Variants in ARL2BP observed in about 807,000 individuals in gnomAD.
The protein encoded by ARL2BP is ARF like GTPase 2 binding protein, also known as ADP-ribosylation factor-like protein 2-binding protein.
A neutral mutation model predicts 24.2 loss-of-function variants in ARL2BP; 19 were observed. The observed-to-expected ratio is 0.79, with a 90% confidence interval of 0.55 to 1.15. ARL2BP has a LOEUF of 1.15. Among genes scored for constraint, ARL2BP ranks in the 50% most tolerant of loss-of-function variants. The pLI is 0.00. For synonymous variants in ARL2BP, 56 were observed against 70.5 expected (o/e 0.79, Z 1.03); for missense variants, 160 against 190.4 (o/e 0.84, Z 0.94).
At chr16:57,249,493 G>A in intron 3 of ARL2BP, 1 of 448,254 alleles carries the variant, frequency 2.2e-6, no homozygotes, top group Non-Finnish European at 4.1e-6. Context: ...CTGGGTTGTG[G>A]GTGTGGGTAC....
chr16:57,248,311 C>CAAAA (rs1161528446), intron 2 of ARL2BP: 729 of 45,978 alleles, frequency 0.016, no homozygotes, highest in Middle Eastern at 0.025. Context: ...AACTCCAGCT[C>CAAAA]AAAAAAAAAA....
At chr16:57,245,760 C>A (rs1025077716) in intron 1 of ARL2BP, 2 of 501,152 alleles carry the variant, frequency 4.0e-6, no homozygotes, top group Non-Finnish European at 3.5e-6. Context: ...ACCAAATGAC[C>A]CCCCCCGGCA....
rs771213865 is a variant in ARL2BP at position 57,248,607 on chromosome 16, G to A, written c.171G>A (p.Glu57=). 1.9e-6 allele frequency: 3 copies of A among 1,601,914 alleles called. No individual in the cohort carries two copies. The highest frequency in any genetic ancestry group is 2.6e-6 in the Non-Finnish European group (3 of 1,174,232). ...ACCTGGAGTTTGAAGACACAGAAGA[G>A]AATAAACTCATCTACACACCTATTT... ...KYYLEFEDTE[E]NKLIYTPIFN... The change falls in exon 3 of 6, where the codon GAG becomes GAA. Residue 57 remains glutamate, a synonymous_variant. Coordinates refer to ENST00000219204, the MANE Select transcript of ARL2BP (RefSeq NM_012106.4).
rs61729802 is a variant in ARL2BP at position 57,252,258 on chromosome 16, G to T, written c.483G>T (p.Leu161=). The change falls in exon 6 of 6, where the codon CTG becomes CTT. Residue 161 remains leucine (L), a synonymous_variant. Transcript: ENST00000219204. ...SSSLPASQNN[L]RH is the part of the protein sequence containing the mutation. Reference sequence around the variant, plus strand: ...CTCTGCCAGCTTCCCAGAACAATCTGCGGCACTAGGTCCTACCTCCAGCCA... The same window carrying T: ...CTCTGCCAGCTTCCCAGAACAATCTTCGGCACTAGGTCCTACCTCCAGCCA... 122 of 1,614,052 alleles carry T rather than the reference G, an allele frequency of 7.6e-5. No individual in the cohort carries two copies. In the African/African-American group the frequency reaches 1.5e-3, roughly 19 times the overall value.
chr16:57,252,127 G>A (rs368486487), intron 5 of ARL2BP, 39 bp from the exon 6 acceptor site: 2 of 1,592,900 alleles, frequency 1.3e-6, no homozygotes, highest in Admixed American at 1.7e-5. Flanking sequence ...CCAAGCCAGG[G>A]CTCTTTCTAG....
At chr16:57,246,542 C>G (rs1046601361) in intron 2 of ARL2BP, 20 of 162,408 alleles carry the variant, frequency 1.2e-4, no homozygotes, top group African/African-American at 4.1e-4. Flanking sequence ...GTGGCTAACG[C>G]CTGTAATCCC....
In ARL2BP at chr16:57,245,272, C is replaced by T; in HGVS notation, c.-96C>T. Reference sequence around the variant, plus strand: ...ACCCGACCTGGCAGTGAGCTGGCCGCGGCCTTGGCTGAGAGGCCTTAACCC... The same window carrying T: ...ACCCGACCTGGCAGTGAGCTGGCCGTGGCCTTGGCTGAGAGGCCTTAACCC... On this transcript the variant is annotated 5_prime_UTR_variant, in exon 1 of 6. Coordinates refer to ENST00000219204, the MANE Select transcript of ARL2BP (RefSeq NM_012106.4). 6.9e-7 allele frequency: 1 copy of T among 1,456,472 alleles called. No individual in the cohort carries two copies. Among genetic ancestry groups the T allele is most frequent in the Non-Finnish European group, 9.3e-7 (1 of 1,070,082 alleles). The allele number at this position is 1,456,472 out of a possible 1,614,324, so 90.2% of individuals were successfully genotyped here.
At position 57,248,601 on chromosome 16, in the gene ARL2BP, A is replaced by G. The variant is rs747240176; in HGVS notation, c.165A>G (p.Thr55=). 6.2e-7 allele frequency: 1 copy of G among 1,604,100 alleles called. No individual in the cohort carries two copies. The highest frequency in any genetic ancestry group is 8.5e-7 in the Non-Finnish European group (1 of 1,175,352). ...AGTACTACCTGGAGTTTGAAGACACAGAAGAGAATAAACTCATCTACACAC... is the reference window on the plus strand; with the variant it reads ...AGTACTACCTGGAGTTTGAAGACACGGAAGAGAATAAACTCATCTACACAC... The part of the protein sequence containing the change: ...MDKYYLEFED[T]EENKLIYTPI... Residue 55 remains threonine (T), a synonymous_variant, in exon 3 of 6, where the codon ACA becomes ACG. Coordinates refer to ENST00000219204, the MANE Select transcript of ARL2BP (RefSeq NM_012106.4).
rs1412317108 is a variant in ARL2BP at position 57,252,526 on chromosome 16, G to A, written c.*259G>A. ...TCTCTCAGGAGCTTCTGAGTCAGAC[G>A]CCTCTGGAGCGAGCCCTATGTCAGG... On this transcript the variant is annotated 3_prime_UTR_variant, in exon 6 of 6. Coordinates refer to ENST00000219204, the MANE Select transcript of ARL2BP (RefSeq NM_012106.4). The A allele has an allele frequency of 5.6e-6, 3 of 538,700 alleles. No individual in the cohort carries two copies. Among genetic ancestry groups the A allele is most frequent in the South Asian group, 4.1e-5 (2 of 48,238 alleles). The allele number at this position is 538,700 out of a possible 1,614,324, so 33.4% of individuals were successfully genotyped here. A position where few individuals can be genotyped will look rare whatever the true frequency, so the allele number is the denominator to read the frequency against.
chr16:57,245,722 T>G, intron 1 of ARL2BP: 1 of 450,284 alleles, frequency 2.2e-6, no homozygotes, highest in Non-Finnish European at 4.0e-6. Flanking sequence ...CCTCCACCCC[T>G]CCCTGGCCCC....
intron 2 of ARL2BP, among the ~76,000 whole-genome samples, chr16:57,246,646 C>CA (rs1473002624): frequency 9.9e-5 from 15 of 151,600 alleles, no homozygotes; most frequent in Admixed American, 3.9e-4. Flanking sequence ...ACTAAAAATA[C>CA]AAAAAAAATT....
chr16:57,249,734 A>G, intron 3 of ARL2BP, 33 bp from the exon 4 acceptor site: 1 of 1,568,062 alleles, frequency 6.4e-7, no homozygotes, highest in South Asian at 1.1e-5. Flanking sequence ...TTCCCAAAGT[A>G]TGGTCTCACC....
intron 5 of ARL2BP, chr16:57,251,056 A>G: frequency 6.6e-6 from 1 of 152,518 alleles, no homozygotes; most frequent in Non-Finnish European, 1.5e-5. Context: ...GGCGTGAGCC[A>G]CCGCACCTGG....
chr16:57,251,188 A>T (rs1355025322), intron 5 of ARL2BP: 3 of 151,814 alleles, frequency 2.0e-5, no homozygotes, highest in African/African-American at 7.3e-5. Context: ...GCTTGAGCTC[A>T]GGAGTTTGAG....
At chr16:57,251,778 A>G (rs926137323) in intron 5 of ARL2BP, 6 of 179,972 alleles carry the variant, frequency 3.3e-5, no homozygotes, top group Non-Finnish European at 7.1e-5. Flanking sequence ...TAAGTGACAT[A>G]TCAAGACCCT....
In ARL2BP at chr16:57,253,034, A is replaced by G. The variant is rs1349832440; in HGVS notation, c.*767A>G. 1 of 152,734 alleles carries G rather than the reference A, an allele frequency of 6.5e-6. No individual in the cohort carries two copies. The highest frequency in any genetic ancestry group is 1.5e-5 in the Non-Finnish European group (1 of 68,114). 9.5% of individuals were successfully genotyped at this position (152,734 alleles called of 1,614,324 possible). A position where few individuals can be genotyped will look rare whatever the true frequency, so the allele number is the denominator to read the frequency against. The stretch of plus-strand genomic sequence containing the variant: ...TGATTATCCACTTAAAGATCAAAGT[A>G]TTATATGCTGTGTGCTTTTTAGGTG... On this transcript the variant is annotated 3_prime_UTR_variant, in exon 6 of 6. Coordinates refer to ENST00000219204, the MANE Select transcript of ARL2BP (RefSeq NM_012106.4).
intron 4 of ARL2BP, 85 bp from the exon 5 acceptor site, chr16:57,250,326 C>T (rs2075403325): frequency 1.7e-6 from 2 of 1,194,612 alleles, no homozygotes. Flanking sequence ...GGGGGTGGGG[C>T]TGGGGTGGTG....
At position 57,253,360 on chromosome 16, in the gene ARL2BP, T is replaced by G. The variant is rs1392239123; in HGVS notation, c.*1093T>G. The G allele has an allele frequency of 1.3e-5, 2 of 152,216 alleles. No individual in the cohort carries two copies. The highest frequency in any genetic ancestry group is 2.9e-5 in the Non-Finnish European group (2 of 68,042). 9.4% of individuals were successfully genotyped at this position (152,216 alleles called of 1,614,324 possible). Reference sequence around the variant, plus strand: ...ACAGCTTTACTGGCTGTTTGTATGCTTTGGTTTAGTGCAATGTGTGGTAGA... The same window carrying G: ...ACAGCTTTACTGGCTGTTTGTATGCGTTGGTTTAGTGCAATGTGTGGTAGA... On this transcript the variant is annotated 3_prime_UTR_variant, in exon 6 of 6. Coordinates refer to ENST00000219204, the MANE Select transcript of ARL2BP (RefSeq NM_012106.4).
At position 57,253,454 on chromosome 16, in the gene ARL2BP, T is replaced by C. The variant is rs1342602663; in HGVS notation, c.*1187T>C. Reference sequence around the variant, plus strand: ...AAGCATAGTAGTTCAATTCCCAGTGTGTCCCTTTGATTTTTTTTTTTTAAT... The same window carrying C: ...AAGCATAGTAGTTCAATTCCCAGTGCGTCCCTTTGATTTTTTTTTTTTAAT... On this transcript the variant is annotated 3_prime_UTR_variant, in exon 6 of 6. Transcript: ENST00000219204. The C allele has an allele frequency of 6.6e-6, 1 of 152,090 alleles. No homozygotes were observed. The highest frequency in any genetic ancestry group is 2.4e-5 in the African/African-American group (1 of 41,370). 9.4% of individuals were successfully genotyped at this position (152,090 alleles called of 1,614,324 possible).
Sources: allele counts gnomAD v4.1 joint callset (sites outside exome capture counted in the v4.1 genomes callset), GRCh38; gene constraint gnomAD v4.1.1; transcripts MANE v1.5; gene names NCBI Gene and HGNC (gene_info 2026-07-23, HGNC 2026-07-21).